The following GK variants were observed in gnomAD, a reference collection of about 807,000 sequenced individuals.
The protein encoded by GK is glycerol kinase, also known as ATP:glycerol 3-phosphotransferase.
GK carries 9 observed loss-of-function variants against 56.4 expected under a neutral mutation model. That is an observed-to-expected ratio of 0.16 (90% CI 0.10 to 0.28). The LOEUF (loss-of-function observed/expected upper bound fraction) is 0.28. Among genes scored for constraint, GK ranks in the 10% least tolerant of loss-of-function variants. The probability of loss-of-function intolerance (pLI) is 1.00; values close to 1 mark genes in which losing one functional copy is unlikely to be tolerated. For synonymous variants in GK, 104 were observed against 144.1 expected, an observed-to-expected ratio of 0.72 and a Z score of 1.99; for missense variants, 161 against 431.4, an observed-to-expected ratio of 0.37 and a Z score of 5.55.
chrX:30,688,758 A>G (rs1222214258), intron 4 of GK, among the ~76,000 whole-genome samples: 4 of 111,858 alleles, frequency 3.6e-5, no homozygotes, highest in Non-Finnish European at 7.5e-5. Context: ...GCACCTATTT[A>G]AAAGTCAGAT....
chrX:30,678,067 CT>C, intron 4 of GK: 2 of 528,260 alleles, frequency 3.8e-6, no homozygotes, highest in Non-Finnish European at 3.5e-6. Flanking sequence ...TAAAAGAGAT[CT>C]TACCTCCTTA....
At chrX:30,683,491 G>A (rs1167822840) in intron 4 of GK, among the ~76,000 whole-genome samples, 2 of 111,356 alleles carry the variant, frequency 1.8e-5, no homozygotes, top group East Asian at 2.8e-4. Flanking sequence ...CCCCCACTAC[G>A]GTAACAGAAA....
chrX:30,671,291 CAA>C (rs56822779), intron 3 of GK, among the ~76,000 whole-genome samples: 2,668 of 26,947 alleles, frequency 0.099, 14 homozygotes, highest in Non-Finnish European at 0.14. Context: ...AACTCCATCT[CAA>C]AAAAAAAAAA....
intron 13 of GK, among the ~76,000 whole-genome samples, chrX:30,713,495 A>G (rs1347086864): frequency 1.8e-5 from 2 of 111,961 alleles, no homozygotes; most frequent in African/African-American, 6.5e-5. Flanking sequence ...ATTTCTGCTC[A>G]TGTAAGCATC....
intron 19 of GK, among the ~76,000 whole-genome samples, chrX:30,727,253 A>T (rs1176112899): frequency 1.8e-5 from 2 of 112,799 alleles, no homozygotes; most frequent in Non-Finnish European, 3.7e-5. Context: ...GCTGTGTGGC[A>T]TGCTATCTGT....
At chrX:30,722,191 T>G (rs1485599303) in intron 18 of GK, among the ~76,000 whole-genome samples, 8 of 112,782 alleles carry the variant, frequency 7.1e-5, no homozygotes, top group African/African-American at 2.6e-4. Context: ...TTTTATTCAT[T>G]CTTTTAACAT....
intron 4 of GK, among the ~76,000 whole-genome samples, chrX:30,680,971 T>C (rs776996747): frequency 8.9e-6 from 1 of 112,164 alleles, no homozygotes; most frequent in South Asian, 3.7e-4. Flanking sequence ...CTGAGATTGC[T>C]AATGCTAGTG....
intron 19 of GK, among the ~76,000 whole-genome samples, chrX:30,725,473 T>A (rs114471517): frequency 0.04 from 4,502 of 111,963 alleles, 229 homozygotes; most frequent in African/African-American, 0.14. Flanking sequence ...AACTTCTCAA[T>A]CATAAGTACT....
At chrX:30,717,432 C>T (rs1601947515) in intron 13 of GK, among the ~76,000 whole-genome samples, 1 of 110,767 alleles carries the variant, frequency 9.0e-6, no homozygotes, top group East Asian at 2.8e-4. Flanking sequence ...ACCATCACCA[C>T]AATCTAACTT....
intron 18 of GK, chrX:30,723,826 T>G (rs1937018203): frequency 3.0e-6 from 1 of 336,558 alleles, no homozygotes; most frequent in Non-Finnish European, 5.3e-6. Context: ...CCATCCTCCC[T>G]CCTCACCCTC....
At chrX:30,702,209 A>G in intron 11 of GK, among the ~76,000 whole-genome samples, 1 of 110,314 alleles carries the variant, frequency 9.1e-6, no homozygotes, top group East Asian at 2.8e-4. Flanking sequence ...CGCCCAGCTA[A>G]TTTTGTATTT....
At chrX:30,722,768 G>C (rs772651507) in intron 18 of GK, among the ~76,000 whole-genome samples, 2 of 110,929 alleles carry the variant, frequency 1.8e-5, no homozygotes, top group South Asian at 7.6e-4. Flanking sequence ...CTGACATCCT[G>C]GGGTGTGTGT....
At chrX:30,666,167 A>G (rs1933066385) in intron 2 of GK, among the ~76,000 whole-genome samples, 1 of 112,023 alleles carries the variant, frequency 8.9e-6, no homozygotes, top group Non-Finnish European at 1.9e-5. Flanking sequence ...GAATAAAAGC[A>G]TATGCCCATC....
At chrX:30,667,018 G>C (rs1182224217) in intron 2 of GK, among the ~76,000 whole-genome samples, 1 of 110,782 alleles carries the variant, frequency 9.0e-6, no homozygotes, top group Admixed American at 9.7e-5. Flanking sequence ...GCCGGGCGTG[G>C]TGGCGGGCGC....
intron 1 of GK, 66 bp downstream of exon 1, chrX:30,653,681 G>A: frequency 1.0e-6 from 1 of 973,546 alleles, no homozygotes. Context: ...GGAGGGGGTG[G>A]CTGTTGTGTC....
intron 1 of GK, among the ~76,000 whole-genome samples, chrX:30,660,106 C>T (rs1313640042): frequency 2.7e-5 from 3 of 111,385 alleles, no homozygotes; most frequent in East Asian, 2.8e-4. Context: ...TTACTCTCCT[C>T]CTCCAAATCT....
intron 11 of GK, among the ~76,000 whole-genome samples, chrX:30,705,072 G>T (rs892585000): frequency 4.4e-5 from 5 of 112,481 alleles, no homozygotes; most frequent in Non-Finnish European, 9.4e-5. Flanking sequence ...GTTTGATTTT[G>T]TTTGTAAGTT....
intron 15 of GK, 124 bp from the exon 16 acceptor site, chrX:30,719,887 A>G: frequency 1.9e-6 from 1 of 522,751 alleles, no homozygotes; most frequent in South Asian, 2.5e-5. Flanking sequence ...TTACTTAATG[A>G]TTATGTCCAA....
intron 1 of GK, among the ~76,000 whole-genome samples, chrX:30,654,640 T>C (rs963517778): frequency 1.1e-4 from 12 of 110,699 alleles, no homozygotes; most frequent in African/African-American, 3.6e-4. Context: ...GGAGAATCAC[T>C]TGGACCCGGG....
Sources: gnomAD v4.1 joint callset for allele counts (sites outside exome capture counted in the v4.1 genomes callset) on GRCh38, gnomAD v4.1.1 for gene constraint, MANE v1.5 for transcripts, NCBI Gene and HGNC (gene_info 2026-07-23, HGNC 2026-07-21) for gene names.